CDKL4: variants seen among roughly 807,000 people sequenced by gnomAD.
The protein encoded by CDKL4 is cyclin dependent kinase like 4, also known as cyclin-dependent kinase-like 4.
CDKL4 carries 44 observed loss-of-function variants against 42.0 expected under a neutral mutation model. That is an observed-to-expected ratio of 1.05 (90% CI 0.82 to 1.35). The LOEUF is 1.35. Ranked by LOEUF, CDKL4 falls within the 40% of genes most tolerant of loss-of-function variation. The pLI, the probability that CDKL4 is intolerant of heterozygous loss-of-function variation, is 0.00. For missense variants in CDKL4, 393 were observed against 369.9 expected, an observed-to-expected ratio of 1.06 and a Z score of -0.51; for synonymous variants, 120 against 121.6, an observed-to-expected ratio of 0.99 and a Z score of 0.09.
intron 5 of CDKL4, among the ~76,000 whole-genome samples, chr2:39,191,943 A>G (rs753243022): frequency 6.6e-6 from 1 of 152,238 alleles, no homozygotes; most frequent in Non-Finnish European, 1.5e-5. Flanking sequence ...GGTAGCCCCA[A>G]AGACACTGCC....
At chr2:39,221,182 T>G (rs1678342006) in intron 3 of CDKL4, among the ~76,000 whole-genome samples, 3 of 151,036 alleles carry the variant, frequency 2.0e-5, no homozygotes, top group Non-Finnish European at 3.0e-5. Flanking sequence ...CCTGGCTAAT[T>G]TTTTTGTATT....
chr2:39,204,307 G>A (rs1367592789), intron 5 of CDKL4, among the ~76,000 whole-genome samples: 2 of 152,146 alleles, frequency 1.3e-5, no homozygotes, highest in Non-Finnish European at 2.9e-5. Flanking sequence ...CCTTTCCTAT[G>A]GGGCAAAGCA....
chr2:39,182,828 G>T (rs1242338842), intron 8 of CDKL4, among the ~76,000 whole-genome samples: 1 of 152,178 alleles, frequency 6.6e-6, no homozygotes, highest in Non-Finnish European at 1.5e-5. Context: ...CTAATGAAGA[G>T]AACACAGAAG....
chr2:39,168,972 G>T, the CDKL4 span, among the ~76,000 whole-genome samples: 1 of 152,032 alleles, frequency 6.6e-6, no homozygotes, highest in Non-Finnish European at 1.5e-5. Flanking sequence ...GGCCAGGATG[G>T]TCTGGATCTG....
At chr2:39,173,905 C>T (rs1357623559), downstream of CDKL4, among the ~76,000 whole-genome samples, 1 of 151,820 alleles carries the variant, frequency 6.6e-6, no homozygotes, top group East Asian at 1.9e-4. Flanking sequence ...ATTGCTTGAG[C>T]CCAGGAGGTC....
the CDKL4 span, among the ~76,000 whole-genome samples, chr2:39,169,573 T>C: frequency 5.3e-5 from 8 of 152,180 alleles, no homozygotes; most frequent in Non-Finnish European, 8.8e-5. Flanking sequence ...CTGTGTGCCA[T>C]AGAGAATCAC....
intron 1 of CDKL4, among the ~76,000 whole-genome samples, chr2:39,239,711 G>A (rs1357167314): frequency 6.6e-6 from 1 of 152,210 alleles, no homozygotes; most frequent in Non-Finnish European, 1.5e-5. Context: ...GTGTTGATAA[G>A]ATGGAAACTG....
chr2:39,190,254 T>C, intron 6 of CDKL4, 51 bp downstream of exon 6: 2 of 1,256,398 alleles, frequency 1.6e-6, no homozygotes, highest in Non-Finnish European at 2.3e-6. Flanking sequence ...TAGTAACATA[T>C]GAATGCTATA....
At chr2:39,228,619 G>A (rs776843223) in intron 2 of CDKL4, among the ~76,000 whole-genome samples, 1 of 152,004 alleles carries the variant, frequency 6.6e-6, no homozygotes, top group Non-Finnish European at 1.5e-5. Flanking sequence ...GCAGAATCTC[G>A]GGCCCACCCC....
intron 5 of CDKL4, among the ~76,000 whole-genome samples, chr2:39,203,967 T>A (rs940116870): frequency 6.6e-6 from 1 of 152,206 alleles, no homozygotes. Flanking sequence ...ATGTTGCTAA[T>A]ACATATATTT....
intron 1 of CDKL4, among the ~76,000 whole-genome samples, chr2:39,238,804 T>G (rs1679498710): frequency 6.6e-6 from 1 of 152,208 alleles, no homozygotes; most frequent in African/African-American, 2.4e-5. Flanking sequence ...CAGGCTGGAG[T>G]GCAGTGGTGT....
intron 7 of CDKL4, among the ~76,000 whole-genome samples, 183 bp from the exon 8 acceptor site, chr2:39,184,830 G>A (rs751942324): frequency 4.0e-5 from 6 of 151,790 alleles, no homozygotes; most frequent in South Asian, 2.1e-4. Context: ...GAACTCCTGG[G>A]CTCAAGAGAT....
At chr2:39,185,166 GTATATATATACATATGTGTATATACA>G (rs1558546265) in intron 7 of CDKL4, among the ~76,000 whole-genome samples, 5 of 118,762 alleles carry the variant, frequency 4.2e-5, no homozygotes, top group African/African-American at 1.0e-4. Context: ...ATACACATAT[GTATATATATACATATGTGTATATACA>G]TATATATACA....
intron 7 of CDKL4, among the ~76,000 whole-genome samples, chr2:39,185,444 G>A (rs57707807): frequency 0.43 from 3,393 of 7,822 alleles, 1,046 homozygotes; most frequent in Non-Finnish European, 0.54. Flanking sequence ...ATATATACAT[G>A]TATATATACA....
chr2:39,233,056 A>AG (rs1230182351), intron 1 of CDKL4, among the ~76,000 whole-genome samples: 6 of 81,202 alleles, frequency 7.4e-5, no homozygotes, highest in Non-Finnish European at 1.6e-4. Flanking sequence ...AAAAAAAAAA[A>AG]AAAAAAAGAA....
chr2:39,200,449 A>T (rs1676781014), intron 5 of CDKL4, among the ~76,000 whole-genome samples: 1 of 152,158 alleles, frequency 6.6e-6, no homozygotes, highest in Non-Finnish European at 1.5e-5. Flanking sequence ...ATTCCCATCA[A>T]AATACCCCCA....
At chr2:39,187,505 A>G in intron 7 of CDKL4, 122 bp downstream of exon 7, 1 of 668,672 alleles carries the variant, frequency 1.5e-6, no homozygotes, top group Non-Finnish European at 2.5e-6. Context: ...TGACCTTGCC[A>G]CTGCACTCCA....
chr2:39,200,152 A>C (rs55740916), intron 5 of CDKL4, among the ~76,000 whole-genome samples: 2,527 of 152,312 alleles, frequency 0.017, 77 homozygotes, highest in African/African-American at 0.057. Flanking sequence ...TTAGGATAAC[A>C]AAATTAATGT....
rs1421984022 is a variant in CDKL4 at position 39,226,447 on chromosome 2, A to ATATATATAT, written c.169-496_169-488dup. Among the ~76,000 whole-genome samples the ATATATATAT allele has an allele frequency of 5.7e-3, 772 of 135,242 alleles. 1 individual carries two copies. The highest frequency in any genetic ancestry group is 8.1e-3 in the Non-Finnish European group (514 of 63,736). 88.7% of individuals were successfully genotyped at this position (135,242 alleles called of 152,430 possible). On this transcript the variant is annotated intron_variant, in intron 2 of 9. Transcript: ENST00000451199. ...TATATTTATATAAATTATATATATT[A>ATATATATAT]TATATATATTATATATATTATATAT...
Sources: allele counts gnomAD v4.1 joint callset (sites outside exome capture counted in the v4.1 genomes callset), GRCh38; gene constraint gnomAD v4.1.1; transcripts MANE v1.5; gene names NCBI Gene and HGNC (gene_info 2026-07-23, HGNC 2026-07-21).